Variants in TRIM55 observed in about 807,000 individuals in gnomAD.
TRIM55 encodes the protein tripartite motif-containing protein 55.
In TRIM55, 50 loss-of-function variants were observed where a neutral mutation model predicts 60.9. The ratio of observed to expected loss-of-function variants is 0.82; its 90% CI spans 0.65 to 1.04. The LOEUF is 1.04. TRIM55 is among the 50% of genes least tolerant of loss of function. The pLI, the probability that TRIM55 is intolerant of heterozygous loss-of-function variation, is 0.00. For missense variants in TRIM55, 681 were observed against 666.9 expected, an observed-to-expected ratio of 1.02 and a Z score of -0.23; for synonymous variants, 237 against 238.1, an observed-to-expected ratio of 1.00 and a Z score of 0.04.
intron 9 of TRIM55, among the ~76,000 whole-genome samples, chr8:66,156,613 C>T (rs1052933691): frequency 2.4e-4 from 36 of 152,082 alleles, no homozygotes; most frequent in African/African-American, 8.0e-4. Flanking sequence ...GCCTGAGACC[C>T]AACTCCTTGT....
At chr8:66,159,699 T>C (rs76690612) in intron 9 of TRIM55, among the ~76,000 whole-genome samples, 4,662 of 152,328 alleles carry the variant, frequency 0.031, 118 homozygotes, top group Middle Eastern at 0.071. Flanking sequence ...TACCAGCTCA[T>C]GGTATTGTGT....
Position 66,171,254 on chromosome 8 carries a change from C to T in TRIM55, c.1525-3217C>T, listed in dbSNP as rs1811613614. ...CCTCCTCCCACCCTCCACCCTCCAC[C>T]CTCCGAAAGGCCCCAGTGTGTGTTT... On this transcript the variant is annotated intron_variant, in intron 9 of 9. Coordinates refer to ENST00000315962, the MANE Select transcript of TRIM55 (RefSeq NM_184085.2). 2.0e-5 allele frequency among the ~76,000 whole-genome samples: 3 copies of T among 151,870 alleles called. No individual in the cohort carries two copies. The South Asian group carries it at 6.3e-4, about 32-fold the overall frequency.
At chr8:66,113,580 G>T in the TRIM55 span, 6 of 456,186 alleles carry the variant, frequency 1.3e-5, no homozygotes, top group East Asian at 4.2e-4. Flanking sequence ...CCCATTTTGG[G>T]CCTCCCAGCC....
At chr8:66,114,186 C>A in the TRIM55 span, among the ~76,000 whole-genome samples, 72 of 151,364 alleles carry the variant, frequency 4.8e-4, no homozygotes, top group African/African-American at 1.7e-3. Flanking sequence ...CGTGCCCAGC[C>A]GTGGGGGATT....
chr8:66,136,508 G>C (rs1809488664), intron 3 of TRIM55, among the ~76,000 whole-genome samples: 1 of 152,116 alleles, frequency 6.6e-6, no homozygotes, highest in Admixed American at 6.5e-5. Flanking sequence ...CAGTGCTCCT[G>C]GTGGCTCCAT....
chr8:66,124,621 G>GAA (rs1808752120), upstream of TRIM55, among the ~76,000 whole-genome samples: 1 of 152,208 alleles, frequency 6.6e-6, no homozygotes, highest in South Asian at 2.1e-4. Context: ...GTTGTGAAAG[G>GAA]AAAATAAATA....
At chr8:66,113,719 T>C in the TRIM55 span, 1 of 380,822 alleles carries the variant, frequency 2.6e-6, no homozygotes, top group Admixed American at 3.1e-5. Flanking sequence ...TAACCCGTCT[T>C]TGGCATTGCC....
intron 8 of TRIM55, 118 bp downstream of exon 8, chr8:66,152,745 A>G (rs1446619030): frequency 6.0e-6 from 8 of 1,344,376 alleles, no homozygotes; most frequent in East Asian, 2.4e-5. Flanking sequence ...AGACATTCGT[A>G]TATGGTAGAC....
chr8:66,150,988 T>C (rs1810389281), intron 7 of TRIM55, among the ~76,000 whole-genome samples: 1 of 152,152 alleles, frequency 6.6e-6, no homozygotes, highest in Admixed American at 6.5e-5. Context: ...TAATGTCAGG[T>C]TGGGTATTTG....
chr8:66,130,562 C>CAG (rs1563633401), intron 2 of TRIM55, among the ~76,000 whole-genome samples: 1 of 140,046 alleles, frequency 7.1e-6, no homozygotes, highest in South Asian at 2.3e-4. Context: ...GGAAGGGGGT[C>CAG]GGGGGGGGTG....
intron 9 of TRIM55, among the ~76,000 whole-genome samples, chr8:66,171,661 T>C (rs1811642140): frequency 1.3e-5 from 2 of 152,330 alleles, no homozygotes; most frequent in East Asian, 1.9e-4. Flanking sequence ...AATAGCACTT[T>C]CTGTGATAAA....
chr8:66,147,749 C>T (rs564090531), intron 4 of TRIM55, among the ~76,000 whole-genome samples: 5 of 145,714 alleles, frequency 3.4e-5, no homozygotes, highest in African/African-American at 1.3e-4. Flanking sequence ...GAGCCGAGAT[C>T]GCGCCATTGC....
At position 66,152,386 on chromosome 8, in the gene TRIM55, A is replaced by G. The variant is rs1406951341; in HGVS notation, c.995A>G (p.Asp332Gly). ...REIDFYREDEDEEEEEGGEGE... is the reference protein window; with the variant it reads ...REIDFYREDEGEEEEEGGEGE... The stretch of plus-strand genomic sequence containing the variant: ...TACCTTACCTTACCAGAAGATGAAG[A>G]TGAAGAAGAAGAAGAAGGCGGAGAA... The change falls in exon 8 of 10, where the codon GAT becomes GGT. Residue 332 changes from aspartate (D) to glycine (G), a missense_variant. Coordinates refer to ENST00000315962, the MANE Select transcript of TRIM55 (RefSeq NM_184085.2). 1.3e-6 allele frequency: 2 copies of G among 1,590,176 alleles called. No individual in the cohort carries two copies. The highest frequency in any genetic ancestry group is 2.3e-5 in the South Asian group (2 of 88,594).
At chr8:66,144,394 T>C (rs1164202926) in intron 4 of TRIM55, among the ~76,000 whole-genome samples, 1 of 152,242 alleles carries the variant, frequency 6.6e-6, no homozygotes, top group Non-Finnish European at 1.5e-5. Context: ...TAAAATATTA[T>C]AGACAACTTT....
chr8:66,161,755 G>GT (rs34655404), intron 9 of TRIM55, among the ~76,000 whole-genome samples: 73,388 of 131,868 alleles, frequency 0.56, 20,518 homozygotes, highest in East Asian at 0.65. Context: ...TATTCCTAAG[G>GT]TTTTTTTTTT....
intron 9 of TRIM55, among the ~76,000 whole-genome samples, chr8:66,163,557 G>A (rs116383553): frequency 0.013 from 1,979 of 152,182 alleles, 51 homozygotes; most frequent in African/African-American, 0.045. Flanking sequence ...GCGGCATTTC[G>A]TTTCCAGATA....
chr8:66,150,467 G>A lies in TRIM55; in HGVS notation c.985+1G>A, dbSNP rs1413837425. On this transcript the variant is annotated splice_donor_variant, in intron 7 of 9. Coordinates refer to ENST00000315962, the MANE Select transcript of TRIM55 (RefSeq NM_184085.2). LOFTEE classifies it high-confidence loss of function. ...ATACGTGAAATTGACTTTTACAGAGGTTTGTTATTCTTTTGACCATTTGGC... is the reference window on the plus strand; with the variant it reads ...ATACGTGAAATTGACTTTTACAGAGATTTGTTATTCTTTTGACCATTTGGC... 6.2e-7 allele frequency: 1 copy of A among 1,613,952 alleles called. No homozygotes were observed. The highest frequency in any genetic ancestry group is 8.5e-7 in the Non-Finnish European group (1 of 1,179,954).
At chr8:66,153,984 G>C in intron 8 of TRIM55, 63 bp from the exon 9 acceptor site, 1 of 1,501,786 alleles carries the variant, frequency 6.7e-7, no homozygotes, top group Non-Finnish European at 8.9e-7. Context: ...AAAATCAACT[G>C]CTTTTTCTTC....
At chr8:66,117,793 G>A in the TRIM55 span, among the ~76,000 whole-genome samples, 1 of 152,146 alleles carries the variant, frequency 6.6e-6, no homozygotes, top group South Asian at 2.1e-4. Flanking sequence ...AAGACCTTGG[G>A]CTAAAGTATT....
Sources: allele counts gnomAD v4.1 joint callset (sites outside exome capture counted in the v4.1 genomes callset), GRCh38; gene constraint gnomAD v4.1.1; transcripts MANE v1.5; gene names NCBI Gene and HGNC (gene_info 2026-07-23, HGNC 2026-07-21).